The following SORCS1 variants were observed in gnomAD, a reference collection of about 807,000 sequenced individuals.
SORCS1 encodes sortilin related VPS10 domain containing receptor 1.
Under a neutral mutation model 146.1 loss-of-function variants are expected in SORCS1, and 60 were observed. The observed-to-expected ratio is 0.41, with a 90% CI of 0.33 to 0.51. The LOEUF (loss-of-function observed/expected upper bound fraction) is 0.51, where lower values mean the gene tolerates loss of function less well. Ranked by LOEUF, SORCS1 falls within the 20% of genes least tolerant of loss-of-function variation. SORCS1 has a pLI of 0.21. For synonymous variants in SORCS1, 637 were observed against 584.0 expected, an observed-to-expected ratio of 1.09 and a Z score of -1.31; for missense variants, 1,352 against 1,487.6, an observed-to-expected ratio of 0.91 and a Z score of 1.50.
In SORCS1 at chr10:106,801,552, G is replaced by A. The variant is rs369250295; in HGVS notation, c.727-24860C>T. On this transcript the variant is annotated intron_variant, in intron 3 of 25. Coordinates refer to ENST00000263054, the MANE Select transcript of SORCS1 (RefSeq NM_052918.5). ...TTTTTTTTTTTTTTTTTTTTGAGAC[G>A]GAGTCTCGCTCTGTCTCCCAGGCTG... is the stretch of plus-strand genomic sequence containing the variant. Among the ~76,000 whole-genome samples, 329 of 136,436 alleles carry A rather than the reference G, an allele frequency of 2.4e-3. 1 individual carries two copies. Among genetic ancestry groups the A allele is most frequent in the African/African-American group, 8.9e-3 (309 of 34,690 alleles). The allele number at this position is 136,436 out of a possible 152,430, so 89.5% of individuals were successfully genotyped here.
intron 2 of SORCS1, among the ~76,000 whole-genome samples, chr10:106,946,783 T>C (rs1589763963): frequency 6.6e-6 from 1 of 152,224 alleles, no homozygotes; most frequent in African/African-American, 2.4e-5. Context: ...TGCTCTTAAC[T>C]AGATTTGGGG....
rs139273899 is a variant in SORCS1, at chr10:107,049,602, A to T, written c.559-93022T>A. ...AACTCCAGCTTCTTTAAATAAGAAAACTTTCCCTTTTGTTTTTCACTTAGC... is the reference window on the plus strand; with the variant it reads ...AACTCCAGCTTCTTTAAATAAGAAATCTTTCCCTTTTGTTTTTCACTTAGC... On this transcript the variant is annotated intron_variant, in intron 1 of 25. Coordinates refer to ENST00000263054, the MANE Select transcript of SORCS1 (RefSeq NM_052918.5). 1.4e-4 allele frequency among the ~76,000 whole-genome samples: 22 copies of T among 152,180 alleles called. No individual in the cohort carries two copies. The East Asian group carries it at 4.3e-3, about 29-fold the overall frequency.
intron 6 of SORCS1, among the ~76,000 whole-genome samples, chr10:106,723,435 A>G (rs1304132872): frequency 6.6e-6 from 1 of 151,868 alleles, no homozygotes; most frequent in Non-Finnish European, 1.5e-5. Flanking sequence ...TTTAAACAAT[A>G]AAAGATCTGC....
At chr10:106,788,804 G>C (rs1427756796) in intron 3 of SORCS1, among the ~76,000 whole-genome samples, 2 of 152,168 alleles carry the variant, frequency 1.3e-5, no homozygotes, top group African/African-American at 2.4e-5. Context: ...CTACCACTTT[G>C]GGGTCTGGAG....
chr10:107,130,455 A>C (rs1282302384), intron 1 of SORCS1, among the ~76,000 whole-genome samples: 1 of 152,232 alleles, frequency 6.6e-6, no homozygotes, highest in East Asian at 1.9e-4. Context: ...ACCAGGTATT[A>C]AATGATTAAT....
At chr10:106,977,176 T>G (rs1350463498) in intron 1 of SORCS1, among the ~76,000 whole-genome samples, 1 of 152,208 alleles carries the variant, frequency 6.6e-6, no homozygotes, top group East Asian at 1.9e-4. Context: ...GCGTTCCTAT[T>G]TCTCCACAGC....
chr10:106,579,976 C>T (rs993208087), intron 24 of SORCS1, among the ~76,000 whole-genome samples: 3 of 151,700 alleles, frequency 2.0e-5, no homozygotes, highest in Non-Finnish European at 4.4e-5. Context: ...TTTTATTATA[C>T]TCTGAGTGTA....
intron 8 of SORCS1, among the ~76,000 whole-genome samples, chr10:106,705,584 A>T (rs760854044): frequency 6.6e-6 from 1 of 152,212 alleles, no homozygotes; most frequent in Non-Finnish European, 1.5e-5. Flanking sequence ...AAGGCTTCAA[A>T]GTTGAGCTAT....
At chr10:106,578,389 T>A (rs1235021533) in intron 25 of SORCS1, 1 of 152,556 alleles carries the variant, frequency 6.6e-6, no homozygotes, top group Non-Finnish European at 1.5e-5. Flanking sequence ...TTACAACTTC[T>A]GGTAAGGGAC....
At chr10:107,155,770 T>C (rs536629570) in intron 1 of SORCS1, among the ~76,000 whole-genome samples, 2 of 152,260 alleles carry the variant, frequency 1.3e-5, no homozygotes, top group African/African-American at 4.8e-5. Context: ...ACAGCTCCTG[T>C]TACTCTGGTT....
At chr10:106,896,741 A>G (rs1050441008) in intron 2 of SORCS1, among the ~76,000 whole-genome samples, 1 of 151,700 alleles carries the variant, frequency 6.6e-6, no homozygotes, top group Non-Finnish European at 1.5e-5. Flanking sequence ...TAAAGCACCA[A>G]CCCATAACAT....
intron 1 of SORCS1, among the ~76,000 whole-genome samples, chr10:107,154,558 T>C (rs7088612): frequency 3.3e-5 from 5 of 151,686 alleles, no homozygotes; most frequent in African/African-American, 9.7e-5. Context: ...GCAAATAAAA[T>C]TGGAAATATT....
chr10:106,884,630 A>T (rs79097605), intron 2 of SORCS1, among the ~76,000 whole-genome samples: 2,129 of 152,310 alleles, frequency 0.014, 66 homozygotes, highest in African/African-American at 0.049. Flanking sequence ...GTTAAAGCCC[A>T]TACCAGACAA....
intron 1 of SORCS1, among the ~76,000 whole-genome samples, chr10:107,137,734 T>C (rs1967441425): frequency 6.6e-6 from 1 of 151,976 alleles, no homozygotes; most frequent in Middle Eastern, 3.2e-3. Flanking sequence ...TGGTGGCACA[T>C]GCCTGTAATC....
Position 106,699,373 on chromosome 10 carries a change from G to C in SORCS1, c.1254C>G (p.Thr418=). 1 of 1,612,494 alleles carries C rather than the reference G, an allele frequency of 6.2e-7. No homozygotes were observed. The highest frequency in any genetic ancestry group is 2.2e-5 in the East Asian group (1 of 44,816). ...ALPKDMHVIS[T]DENQVFAAVQ... is the part of the protein sequence containing the mutation. Reference sequence around the variant, plus strand: ...CCGCTGCGAACACCTGATTCTCATCGGTGCTGATAACATGCATGTCCTGTG... The same window carrying C: ...CCGCTGCGAACACCTGATTCTCATCCGTGCTGATAACATGCATGTCCTGTG... The change falls in exon 9 of 26, where the codon ACC becomes ACG. Residue 418 remains threonine (T), a synonymous_variant. Coordinates refer to ENST00000263054, the MANE Select transcript of SORCS1 (RefSeq NM_052918.5).
At chr10:106,631,197 T>C (rs1848420335) in intron 18 of SORCS1, among the ~76,000 whole-genome samples, 2 of 152,208 alleles carry the variant, frequency 1.3e-5, no homozygotes, top group African/African-American at 4.8e-5. Context: ...CCAAGCATTG[T>C]GTGTGGGGCT....
intron 2 of SORCS1, among the ~76,000 whole-genome samples, chr10:106,867,201 C>T (rs757603347): frequency 6.6e-6 from 1 of 152,056 alleles, no homozygotes; most frequent in African/African-American, 2.4e-5. Flanking sequence ...AAAGGTAGGT[C>T]ACCTACAAAG....
In SORCS1 at chr10:106,835,339, A is replaced by C. The variant is rs567119656; in HGVS notation, c.627-5666T>G. On this transcript the variant is annotated intron_variant, in intron 2 of 25. Coordinates refer to ENST00000263054, the MANE Select transcript of SORCS1 (RefSeq NM_052918.5). ...TTAACCCATAAGCACAATGATTGGC[A>C]CAGAAGCAAACTATAAATGATAGCT... Among the ~76,000 whole-genome samples the C allele has an allele frequency of 1.1e-3, 172 of 152,364 alleles. 2 individuals carry two copies. The highest frequency in any genetic ancestry group is 6.3e-4 in the Non-Finnish European group (43 of 68,034).
intron 1 of SORCS1, among the ~76,000 whole-genome samples, chr10:107,009,362 C>T (rs968309586): frequency 2.0e-5 from 3 of 152,188 alleles, no homozygotes; most frequent in Non-Finnish European, 4.4e-5. Context: ...AAATCACAGA[C>T]ATTTTAGAAT....
Sources: gnomAD v4.1 joint callset for allele counts (sites outside exome capture counted in the v4.1 genomes callset) on GRCh38, gnomAD v4.1.1 for gene constraint, MANE v1.5 for transcripts, NCBI Gene and HGNC (gene_info 2026-07-23, HGNC 2026-07-21) for gene names.